The following CPED1 variants were observed in gnomAD, a reference collection of about 807,000 sequenced individuals.
CPED1 encodes cadherin like and PC-esterase domain containing 1, also known as cadherin-like and PC-esterase domain-containing protein 1.
A neutral mutation model predicts 128.2 loss-of-function variants in CPED1; 114 were observed. The observed-to-expected ratio is 0.89, with a 90% CI of 0.76 to 1.04. CPED1 has a LOEUF of 1.04. Among genes scored for constraint, CPED1 ranks in the 50% least tolerant of loss-of-function variants. The pLI is 0.00. For synonymous variants in CPED1, 462 were observed against 426.7 expected (o/e 1.08, Z -1.02); for missense variants, 1,211 against 1,207.1 (o/e 1.00, Z -0.05).
intron 16 of CPED1, among the ~76,000 whole-genome samples, chr7:121,144,336 A>G (rs976978063): frequency 2.0e-5 from 3 of 152,116 alleles, no homozygotes; most frequent in African/African-American, 7.2e-5. Flanking sequence ...GTACATATAT[A>G]CAATGGTGTA....
intron 16 of CPED1, among the ~76,000 whole-genome samples, chr7:121,186,848 A>G (rs543056362): frequency 2.6e-5 from 4 of 152,328 alleles, no homozygotes; most frequent in Non-Finnish European, 5.9e-5. Context: ...CAAGAGGGTC[A>G]AAATCCAGGA....
At chr7:121,158,186 A>G (rs1796335030) in intron 16 of CPED1, among the ~76,000 whole-genome samples, 1 of 152,254 alleles carries the variant, frequency 6.6e-6, no homozygotes, top group Non-Finnish European at 1.5e-5. Context: ...TAATTGTTAT[A>G]TTAAGTTCTG....
At chr7:121,054,104 G>A (rs1793428892) in intron 4 of CPED1, among the ~76,000 whole-genome samples, 1 of 152,176 alleles carries the variant, frequency 6.6e-6, no homozygotes, top group Non-Finnish European at 1.5e-5. Flanking sequence ...AAAGATCTGG[G>A]TACTAGGTGT....
rs1389969143 is a variant in CPED1 at position 121,050,912 on chromosome 7, C to T, written c.540+3919C>T. The T allele has an allele frequency of 8.2e-6, 4 of 485,242 alleles. 1 individual carries two copies. The highest frequency in any genetic ancestry group is 1.7e-5 in the Non-Finnish European group (4 of 237,150). 30.1% of individuals were successfully genotyped at this position (485,242 alleles called of 1,614,324 possible). A position where few individuals can be genotyped will look rare whatever the true frequency, so the allele number is the denominator to read the frequency against. On this transcript the variant is annotated intron_variant, in intron 4 of 22. Coordinates refer to ENST00000310396, the MANE Select transcript of CPED1 (RefSeq NM_024913.5). ...ACGCACCCTCCTCGTCACCAGGATGCCCAAGAAGAAGGTCATGAAGGGACC... is the reference window on the plus strand; with the variant it reads ...ACGCACCCTCCTCGTCACCAGGATGTCCAAGAAGAAGGTCATGAAGGGACC...
intron 11 of CPED1, 78 bp downstream of exon 11, chr7:121,128,564 A>C (rs1041682512): frequency 5.3e-6 from 4 of 751,930 alleles, no homozygotes; most frequent in Middle Eastern, 2.7e-4. Flanking sequence ...TGATTTTGAC[A>C]TCAAACTAGA....
rs113876679 is a variant in CPED1 at position 121,134,107 on chromosome 7, G to A, written c.1648+214G>A. 3.7e-4 allele frequency among the ~76,000 whole-genome samples: 57 copies of A among 152,114 alleles called. 1 individual carries two copies. Among genetic ancestry groups the A allele is most frequent in the African/African-American group, 1.3e-3 (53 of 41,546 alleles). ...TATCTATCCAAAGGAAATGAACTCC[G>A]TATGTTGAAGAGATATTTGTACTCT... On this transcript the variant is annotated intron_variant, in intron 13 of 22. Coordinates refer to ENST00000310396, the MANE Select transcript of CPED1 (RefSeq NM_024913.5).
intron 16 of CPED1, among the ~76,000 whole-genome samples, chr7:121,201,772 T>TCTACA (rs1398117166): frequency 6.6e-6 from 1 of 152,062 alleles, no homozygotes. Flanking sequence ...CCTCCTCTCC[T>TCTACA]CTACACCTAA....
At chr7:121,044,395 GGAA>G (rs1793135449) in intron 3 of CPED1, among the ~76,000 whole-genome samples, 1 of 151,966 alleles carries the variant, frequency 6.6e-6, no homozygotes, top group South Asian at 2.1e-4. Flanking sequence ...CAAGCATTTG[GGAA>G]GAAGGTGTAT....
intron 16 of CPED1, among the ~76,000 whole-genome samples, chr7:121,156,600 T>C (rs1796289263): frequency 6.6e-6 from 1 of 152,152 alleles, no homozygotes; most frequent in African/African-American, 2.4e-5. Flanking sequence ...AGACAAATGT[T>C]GCATGTTCAC....
At chr7:121,098,744 A>ATAT (rs1491378841) in intron 6 of CPED1, among the ~76,000 whole-genome samples, 1,469 of 34,284 alleles carry the variant, frequency 0.043, 55 homozygotes, top group African/African-American at 0.085. Context: ...ATATATATAT[A>ATAT]AAAATATATA....
intron 7 of CPED1, among the ~76,000 whole-genome samples, chr7:121,115,601 A>G (rs1795217636): frequency 6.6e-6 from 1 of 152,198 alleles, no homozygotes; most frequent in South Asian, 2.1e-4. Flanking sequence ...ATTTAGAGAT[A>G]TGAGATAGGT....
intron 3 of CPED1, among the ~76,000 whole-genome samples, chr7:121,021,634 G>A (rs906870180): frequency 6.6e-6 from 1 of 151,912 alleles, no homozygotes; most frequent in Admixed American, 6.6e-5. Flanking sequence ...TATAAGCATT[G>A]AAGTAAGACA....
At chr7:121,050,312 C>G (rs1302981949) in intron 4 of CPED1, 1 of 152,896 alleles carries the variant, frequency 6.5e-6, no homozygotes, top group African/African-American at 2.4e-5. Context: ...TATACTCATA[C>G]AAATCCTCAT....
At chr7:121,123,784 CTGGCACAGAATAA>C (rs1392326342) in intron 7 of CPED1, among the ~76,000 whole-genome samples, 1 of 152,116 alleles carries the variant, frequency 6.6e-6, no homozygotes, top group African/African-American at 2.4e-5. Context: ...TTGGCTAGAT[CTGGCACAGAATAA>C]TGGCATGAGG....
intron 4 of CPED1, among the ~76,000 whole-genome samples, chr7:121,061,837 A>T (rs368307988): frequency 6.6e-6 from 1 of 152,236 alleles, no homozygotes; most frequent in Non-Finnish European, 1.5e-5. Context: ...TAATCTGTGT[A>T]ATATAGTTGA....
chr7:121,267,029 T>A (rs1191315386), intron 20 of CPED1, among the ~76,000 whole-genome samples, 186 bp from the exon 21 acceptor site: 1 of 152,072 alleles, frequency 6.6e-6, no homozygotes, highest in Non-Finnish European at 1.5e-5. Context: ...AAAATGTGTC[T>A]ACTGACACCT....
intron 2 of CPED1, 129 bp downstream of exon 2, chr7:120,989,999 G>GAGT: frequency 9.3e-7 from 1 of 1,071,700 alleles, no homozygotes; most frequent in Non-Finnish European, 1.3e-6. Context: ...ACAGCCTAGA[G>GAGT]AGTGACCTGA....
chr7:121,187,106 T>C (rs1584580005), intron 16 of CPED1, among the ~76,000 whole-genome samples: 1 of 152,212 alleles, frequency 6.6e-6, no homozygotes, highest in East Asian at 1.9e-4. Context: ...TCTCCTGCTC[T>C]TGTGGAGTTT....
chr7:121,204,922 A>G (rs1797484931), intron 16 of CPED1, among the ~76,000 whole-genome samples: 1 of 152,110 alleles, frequency 6.6e-6, no homozygotes. Flanking sequence ...AAAGAGGGTC[A>G]TTGCCTAATC....
Sources: allele counts gnomAD v4.1 joint callset (sites outside exome capture counted in the v4.1 genomes callset), GRCh38; gene constraint gnomAD v4.1.1; transcripts MANE v1.5; gene names NCBI Gene and HGNC (gene_info 2026-07-23, HGNC 2026-07-21).